The following ARHGAP32 variants were observed in gnomAD, a reference collection of about 807,000 sequenced individuals.
ARHGAP32 encodes rho GTPase-activating protein 32.
Under a neutral mutation model 186.5 loss-of-function variants are expected in ARHGAP32, and 51 were observed. The ratio of observed to expected loss-of-function variants is 0.27; its 90% CI spans 0.22 to 0.35. The LOEUF (loss-of-function observed/expected upper bound fraction) is 0.35. Ranked by LOEUF, ARHGAP32 falls within the 10% of genes least tolerant of loss-of-function variation. ARHGAP32 has a pLI of 1.00. For synonymous variants in ARHGAP32, 950 were observed against 964.3 expected (o/e 0.99, Z 0.27); for missense variants, 2,186 against 2,623.5 (o/e 0.83, Z 3.64).
Position 129,103,341 on chromosome 11 carries a change from A to C in ARHGAP32, c.445-9634T>G, listed in dbSNP as rs567498903. 2.6e-5 allele frequency among the ~76,000 whole-genome samples: 4 copies of C among 152,278 alleles called. No homozygotes were observed. In the South Asian group the frequency reaches 8.3e-4, roughly 32 times the overall value. ...TGAACTTGAAAACAGGTCAATGAAA[A>C]GTATCCACACTGAATCACTAAGAGA... On this transcript the variant is annotated intron_variant, in intron 5 of 22. Coordinates refer to ENST00000682385, the MANE Select transcript of ARHGAP32 (RefSeq NM_001378024.1).
At chr11:129,046,482 T>C (rs1355403961) in intron 10 of ARHGAP32, among the ~76,000 whole-genome samples, 3 of 152,162 alleles carry the variant, frequency 2.0e-5, no homozygotes, top group African/African-American at 4.8e-5. Context: ...CAGTTTCTAG[T>C]AGCTTAGCAA....
At position 129,007,208 on chromosome 11, in the gene ARHGAP32, T is replaced by C. The variant is rs181157211; in HGVS notation, c.1046-8740A>G. Among the ~76,000 whole-genome samples, 203 of 152,174 alleles carry C rather than the reference T, an allele frequency of 1.3e-3. 3 individuals carry two copies. The highest frequency in any genetic ancestry group is 4.6e-3 in the African/African-American group (192 of 41,506). On this transcript the variant is annotated intron_variant, in intron 11 of 22. Transcript: ENST00000682385. ...GAATCAGAGTCCCCAAGAGTCTGCA[T>C]GGTGCCCTATCCCACTGTGGCCAAG...
At chr11:129,103,051 ATAT>A (rs968656317) in intron 5 of ARHGAP32, among the ~76,000 whole-genome samples, 12 of 152,198 alleles carry the variant, frequency 7.9e-5, no homozygotes, top group Non-Finnish European at 1.8e-4. Flanking sequence ...GCAAAATGAA[ATAT>A]TATTCAGCCT....
rs199520425 is a variant in ARHGAP32 at position 128,974,493 on chromosome 11, C to T, written c.2704G>A (p.Val902Ile). Reference protein sequence around the residue: ...SKPSSFTEKVVYAFSPKIGRK... With the variant: ...SKPSSFTEKVIYAFSPKIGRK... The stretch of plus-strand genomic sequence containing the variant: ...CCTATCTTCGGAGAGAAAGCATAGA[C>T]GACCTTTTCAGTAAAGGAGGATGGC... The change falls in exon 21 of 23, where the codon GTC becomes ATC. Residue 902 changes from valine (V) to isoleucine (I), a missense_variant. By Grantham distance (29) the Val-to-Ile change is conservative. Around this residue, in one of 5 missense-constraint regions of ARHGAP32, gnomAD observed 1,502 missense variants for 1,570.0 expected, o/e 0.96. Transcript: ENST00000682385. 224 of 1,614,140 alleles carry T rather than the reference C, an allele frequency of 1.4e-4. No homozygotes were observed. Among genetic ancestry groups the T allele is most frequent in the Middle Eastern group, 4.9e-4 (3 of 6,062 alleles).
At chr11:129,212,752 T>G (rs2119869) in intron 1 of ARHGAP32, among the ~76,000 whole-genome samples, 19,204 of 152,174 alleles carry the variant, frequency 0.13, 1,363 homozygotes, top group Non-Finnish European at 0.16. Context: ...GTTGTGTACT[T>G]AAATATTTGT....
At chr11:129,005,957 T>G (rs1183300139) in intron 11 of ARHGAP32, among the ~76,000 whole-genome samples, 2 of 152,168 alleles carry the variant, frequency 1.3e-5, no homozygotes, top group Non-Finnish European at 2.9e-5. Flanking sequence ...TTGTGTATTT[T>G]CAGCCTGTCT....
rs138177523 is a variant in ARHGAP32, at chr11:129,161,796, G to A, written c.225+2523C>T. ...TTTGACCCAGCAATCCCATTACTAG[G>A]TATATACCCAAAGTATTATAAATCA... On this transcript the variant is annotated intron_variant, in intron 2 of 22. Coordinates refer to ENST00000682385, the MANE Select transcript of ARHGAP32 (RefSeq NM_001378024.1). 4.5e-3 allele frequency among the ~76,000 whole-genome samples: 682 copies of A among 152,102 alleles called. 10 individuals carry two copies. The highest frequency in any genetic ancestry group is 0.015 in the African/African-American group (614 of 41,498).
At chr11:129,156,037 G>A (rs112961150) in intron 2 of ARHGAP32, among the ~76,000 whole-genome samples, 2,808 of 152,292 alleles carry the variant, frequency 0.018, 89 homozygotes, top group African/African-American at 0.062. Flanking sequence ...AGACTGTGCC[G>A]TGAGAAACGG....
At position 129,158,427 on chromosome 11, in the gene ARHGAP32, C is replaced by T. The variant is rs556331399; in HGVS notation, c.225+5892G>A. On this transcript the variant is annotated intron_variant, in intron 2 of 22. Coordinates refer to ENST00000682385, the MANE Select transcript of ARHGAP32 (RefSeq NM_001378024.1). ...AAAAAAAAAAGCAGAGAATGCAATC[C>T]TAGTCTCTGATAAAACAGACTGTAA... Among the ~76,000 whole-genome samples the T allele has an allele frequency of 1.8e-3, 271 of 151,176 alleles. 3 individuals are homozygous for T. Among genetic ancestry groups the T allele is most frequent in the African/African-American group, 6.3e-3 (259 of 41,304 alleles).
chr11:129,063,841 C>A, intron 9 of ARHGAP32, 61 bp downstream of exon 9: 1 of 1,532,550 alleles, frequency 6.5e-7, no homozygotes, highest in South Asian at 1.3e-5. Context: ...TAAGAACAGT[C>A]AAAGATGAGG....
At chr11:129,061,660 G>T (rs73013464) in intron 10 of ARHGAP32, among the ~76,000 whole-genome samples, 8 of 152,138 alleles carry the variant, frequency 5.3e-5, no homozygotes, top group African/African-American at 1.7e-4. Context: ...GATGATTCAC[G>T]TCCGGGGTGG....
At position 128,973,624 on chromosome 11, in the gene ARHGAP32, A is replaced by G. The variant is rs1231097000; in HGVS notation, c.3074-192T>C. 5 of 629,556 alleles carry G rather than the reference A, an allele frequency of 7.9e-6. No homozygotes were observed. In the East Asian group the frequency reaches 1.4e-4, roughly 17 times the overall value. The allele number at this position is 629,556 out of a possible 1,614,324, so 39.0% of individuals were successfully genotyped here. ...TCTGGTTCAGAAGGAAAACTAAAACAAACAGTGTATAAAGACTGCAATCTC... is the reference window on the plus strand; with the variant it reads ...TCTGGTTCAGAAGGAAAACTAAAACGAACAGTGTATAAAGACTGCAATCTC... On this transcript the variant is annotated intron_variant, in intron 21 of 22. Coordinates refer to ENST00000682385, the MANE Select transcript of ARHGAP32 (RefSeq NM_001378024.1).
chr11:129,023,831 T>A (rs997176937), intron 11 of ARHGAP32: 335 of 933,352 alleles, frequency 3.6e-4, no homozygotes, highest in Non-Finnish European at 4.0e-4. Flanking sequence ...GAGTCAAATA[T>A]TTAAATGACT....
chr11:129,023,831 T>C, intron 11 of ARHGAP32: 2 of 933,476 alleles, frequency 2.1e-6, no homozygotes, highest in Non-Finnish European at 1.3e-6. Flanking sequence ...GAGTCAAATA[T>C]TTAAATGACT....
At chr11:129,211,663 T>C (rs1018693525) in intron 1 of ARHGAP32, among the ~76,000 whole-genome samples, 13 of 152,182 alleles carry the variant, frequency 8.5e-5, no homozygotes, top group African/African-American at 3.1e-4. Flanking sequence ...CAGGTTCCCC[T>C]GCCCTCACAC....
intron 6 of ARHGAP32, 121 bp from the exon 7 acceptor site, chr11:129,066,989 T>C (rs1217738322): frequency 2.4e-6 from 2 of 838,722 alleles, no homozygotes; most frequent in East Asian, 2.7e-5. Context: ...GAGAAGTTTC[T>C]ATTAACTTGA....
intron 1 of ARHGAP32, among the ~76,000 whole-genome samples, chr11:129,200,032 T>C (rs1291555594): frequency 6.6e-6 from 1 of 152,220 alleles, no homozygotes; most frequent in Non-Finnish European, 1.5e-5. Flanking sequence ...TGGACTTACA[T>C]GGGCCCTGTA....
intron 2 of ARHGAP32, among the ~76,000 whole-genome samples, chr11:129,129,115 C>T (rs1223166697): frequency 2.0e-5 from 3 of 151,794 alleles, no homozygotes; most frequent in South Asian, 2.1e-4. Context: ...TCTGCCCGGC[C>T]GCGACCCCGT....
chr11:129,150,114 C>CAAAAAAAAAAAA (rs61492745), intron 2 of ARHGAP32, among the ~76,000 whole-genome samples: 6 of 77,886 alleles, frequency 7.7e-5, no homozygotes, highest in African/African-American at 9.0e-5. Flanking sequence ...CTGACAAAGA[C>CAAAAAAAAAAAA]AAAAAAAAAA....
Sources: allele counts gnomAD v4.1 joint callset (sites outside exome capture counted in the v4.1 genomes callset), GRCh38; gene constraint gnomAD v4.1.1; regional missense constraint gnomAD v4.1.1; transcripts MANE v1.5; gene names NCBI Gene and HGNC (gene_info 2026-07-23, HGNC 2026-07-21).